Variants in CDYL2 observed in about 807,000 individuals in gnomAD.
CDYL2 encodes chromodomain Y-like protein 2.
In CDYL2, 23 loss-of-function variants were observed where a neutral mutation model predicts 49.4. The ratio of observed to expected loss-of-function variants is 0.47; its 90% CI spans 0.34 to 0.66. CDYL2 has a LOEUF of 0.66. Ranked by LOEUF, CDYL2 falls within the 30% of genes least tolerant of loss-of-function variation. The pLI, the probability that CDYL2 is intolerant of heterozygous loss-of-function variation, is 0.01. For missense variants in CDYL2, 678 were observed against 656.4 expected, an observed-to-expected ratio of 1.03 and a Z score of -0.36; for synonymous variants, 360 against 268.8, an observed-to-expected ratio of 1.34 and a Z score of -3.32.
intron 1 of CDYL2, among the ~76,000 whole-genome samples, chr16:80,725,366 T>C (rs111895347): frequency 3.3e-5 from 5 of 152,294 alleles, no homozygotes; most frequent in African/African-American, 1.2e-4. Flanking sequence ...ACAACACTTA[T>C]TGCAACAGTA....
At chr16:80,616,068 C>T (rs768938514) in intron 4 of CDYL2, among the ~76,000 whole-genome samples, 1 of 152,224 alleles carries the variant, frequency 6.6e-6, no homozygotes, top group Admixed American at 6.5e-5. Flanking sequence ...CTACCCGACC[C>T]CTGTGGCTTC....
chr16:80,738,673 T>C (rs1191479414), intron 1 of CDYL2: 1 of 152,242 alleles, frequency 6.6e-6, no homozygotes, highest in Non-Finnish European at 1.5e-5. Flanking sequence ...GATAAAAATA[T>C]GCTACAATTA....
chr16:80,738,297 T>C (rs1597108341), intron 1 of CDYL2, among the ~76,000 whole-genome samples: 1 of 152,338 alleles, frequency 6.6e-6, no homozygotes, highest in Non-Finnish European at 1.5e-5. Context: ...TACAAGTCTT[T>C]ACTATTTTGA....
intron 3 of CDYL2, among the ~76,000 whole-genome samples, chr16:80,629,029 A>T (rs77635786): frequency 2.1e-3 from 316 of 152,316 alleles, no homozygotes; most frequent in African/African-American, 7.5e-3. Context: ...AGGTGTAAGC[A>T]TGAAAGCAAA....
chr16:80,741,318 G>A (rs1905727859), intron 1 of CDYL2, among the ~76,000 whole-genome samples: 1 of 151,454 alleles, frequency 6.6e-6, no homozygotes, highest in Non-Finnish European at 1.5e-5. Flanking sequence ...TAACCAACAT[G>A]AATCCAATTT....
Position 80,604,539 on chromosome 16 carries a change from T to C in CDYL2, c.1370A>G (p.Glu457Gly), listed in dbSNP as rs1317302153. The C allele has an allele frequency of 1.9e-6, 3 of 1,614,210 alleles. No individual in the cohort carries two copies. The highest frequency in any genetic ancestry group is 1.7e-5 in the Admixed American group (1 of 60,030). ...GCTCCGCACGAGGCATTTGGACTCC[T>C]CTAACACCTAGAGGGAAATAGACAG... The part of the protein sequence containing the change: ...EMASCSAVVL[E>G]ESKCLVRSFL... Residue 457 changes from glutamate to glycine, a missense_variant, in exon 7 of 7, where the codon GAG (glutamate) becomes GGG (glycine). Physicochemically the swap from Glu to Gly is moderately conservative, Grantham distance 98. Coordinates refer to ENST00000570137, the MANE Select transcript of CDYL2 (RefSeq NM_152342.4).
intron 1 of CDYL2, among the ~76,000 whole-genome samples, chr16:80,788,911 C>T (rs1156501448): frequency 6.6e-6 from 1 of 152,108 alleles, no homozygotes; most frequent in Non-Finnish European, 1.5e-5. Context: ...AAACAAACAA[C>T]TATGACTGTT....
chr16:80,713,868 C>A (rs1318136335), intron 1 of CDYL2, among the ~76,000 whole-genome samples: 1 of 152,112 alleles, frequency 6.6e-6, no homozygotes, highest in Non-Finnish European at 1.5e-5. Context: ...CACGGAGAGA[C>A]TACATGCAGG....
intron 6 of CDYL2, among the ~76,000 whole-genome samples, chr16:80,607,760 G>T (rs6420417): frequency 0.41 from 62,442 of 151,790 alleles, 16,264 homozygotes; most frequent in African/African-American, 0.75. Context: ...CTTATTGGCC[G>T]CTGCTTCTCG....
At chr16:80,792,105 G>A (rs1333061151) in intron 1 of CDYL2, among the ~76,000 whole-genome samples, 1 of 152,172 alleles carries the variant, frequency 6.6e-6, no homozygotes, top group African/African-American at 2.4e-5. Context: ...TGCTACTGAG[G>A]CTAGGAATCC....
At chr16:80,705,042 G>C (rs1177197131) in intron 1 of CDYL2, among the ~76,000 whole-genome samples, 1 of 152,188 alleles carries the variant, frequency 6.6e-6, no homozygotes, top group Admixed American at 6.5e-5. Context: ...TGCTCTGTTT[G>C]ACTCATCCCA....
chr16:80,746,309 G>C (rs868218303), intron 1 of CDYL2, among the ~76,000 whole-genome samples: 1 of 152,312 alleles, frequency 6.6e-6, no homozygotes, highest in African/African-American at 2.4e-5. Context: ...GACCCAGGGA[G>C]ATCTGACTTT....
chr16:80,772,652 C>G (rs939120054), intron 1 of CDYL2, among the ~76,000 whole-genome samples: 1 of 152,072 alleles, frequency 6.6e-6, no homozygotes, highest in African/African-American at 2.4e-5. Context: ...GGGGTTTCAC[C>G]GTGTTAGCCA....
At chr16:80,659,375 A>G (rs1908947744) in intron 2 of CDYL2, among the ~76,000 whole-genome samples, 1 of 152,192 alleles carries the variant, frequency 6.6e-6, no homozygotes, top group South Asian at 2.1e-4. Context: ...TAAATATCTA[A>G]AAGACATTAT....
chr16:80,699,953 C>A (rs1397058940), intron 1 of CDYL2, among the ~76,000 whole-genome samples: 1 of 152,112 alleles, frequency 6.6e-6, no homozygotes, highest in Non-Finnish European at 1.5e-5. Flanking sequence ...CCGCAAGCCC[C>A]GCCTCCCTGA....
At chr16:80,631,069 C>G (rs943820504) in intron 3 of CDYL2, among the ~76,000 whole-genome samples, 1 of 152,096 alleles carries the variant, frequency 6.6e-6, no homozygotes, top group Non-Finnish European at 1.5e-5. Flanking sequence ...CTTCAGTGGG[C>G]CTGGCACTGG....
chr16:80,663,503 G>A (rs1030136415), intron 2 of CDYL2, among the ~76,000 whole-genome samples: 3 of 151,944 alleles, frequency 2.0e-5, no homozygotes, highest in African/African-American at 4.8e-5. Context: ...CATACACTTC[G>A]AATTTTAAGA....
chr16:80,603,534 T>C lies in CDYL2; in HGVS notation c.*854A>G, dbSNP rs537524033. The C allele has an allele frequency of 6.6e-5, 10 of 152,492 alleles. No individual in the cohort carries two copies. Among genetic ancestry groups the C allele is most frequent in the Admixed American group, 2.6e-4 (4 of 15,304 alleles). The allele number at this position is 152,492 out of a possible 1,614,324, so 9.4% of individuals were successfully genotyped here. A position where few individuals can be genotyped will look rare whatever the true frequency, so the allele number is the denominator to read the frequency against. On this transcript the variant is annotated 3_prime_UTR_variant, in exon 7 of 7. Coordinates refer to ENST00000570137, the MANE Select transcript of CDYL2 (RefSeq NM_152342.4). Reference sequence around the variant, plus strand: ...AGAAATCCTTCTGTTTTCATCTCTCTAAACTTTATTTCTACATGGTTCATT... The same window carrying C: ...AGAAATCCTTCTGTTTTCATCTCTCCAAACTTTATTTCTACATGGTTCATT...
chr16:80,636,882 G>A lies in CDYL2; in HGVS notation c.617-3646C>T, dbSNP rs373641216. ...GGAATACTATGCAGCCATAAAAAAG[G>A]ATGAGTTCATGTCCTTTGCAGAGAC... On this transcript the variant is annotated intron_variant, in intron 2 of 6. Transcript: ENST00000570137. Among the ~76,000 whole-genome samples, 7 of 152,244 alleles carry A rather than the reference G, an allele frequency of 4.6e-5. No individual in the cohort carries two copies. The East Asian group carries it at 1.4e-3, about 29-fold the overall frequency.
Sources: gnomAD v4.1 joint callset for allele counts (sites outside exome capture counted in the v4.1 genomes callset) on GRCh38, gnomAD v4.1.1 for gene constraint, MANE v1.5 for transcripts, NCBI Gene and HGNC (gene_info 2026-07-23, HGNC 2026-07-21) for gene names.